ELP5: variants seen among roughly 807,000 people sequenced by gnomAD.
ELP5 encodes elongator acetyltransferase complex subunit 5.
In ELP5, 34 loss-of-function variants were observed where a neutral mutation model predicts 33.4. The observed-to-expected ratio is 1.02, with a 90% CI of 0.78 to 1.36. ELP5 has a LOEUF of 1.36. ELP5 is among the 40% of genes most tolerant of loss of function. ELP5 has a pLI of 0.00. For synonymous variants in ELP5, 161 were observed against 146.4 expected (o/e 1.10, Z -0.72); for missense variants, 373 against 371.7 (o/e 1.00, Z -0.03).
rs2072034293 is a variant in ELP5 at position 7,254,708 on chromosome 17, T to C, written c.314T>C (p.Ile105Thr). The C allele has an allele frequency of 1.2e-6, 2 of 1,614,072 alleles. No homozygotes were observed. Among genetic ancestry groups the C allele is most frequent in the African/African-American group, 1.3e-5 (1 of 74,918 alleles). Residue 105 changes from isoleucine to threonine, a missense_variant, in exon 4 of 8, where the codon ATT becomes ACT. By Grantham distance (89) the Ile-to-Thr change is moderately conservative. Coordinates refer to ENST00000396628, the MANE Select transcript of ELP5 (RefSeq NM_203414.3). The stretch of plus-strand genomic sequence containing the variant: ...AGGACAGATCCTGTTCCTGTCACCA[T>C]TGCTCTCGATTCACTCAGCTGGCTG... Reference protein sequence around the residue: ...CKRTDPVPVTIALDSLSWLLL... With the variant: ...CKRTDPVPVTTALDSLSWLLL...
Position 7,259,062 on chromosome 17 carries a change from C to G in ELP5, c.788+136C>G. On this transcript the variant is annotated intron_variant, in intron 7 of 7. Coordinates refer to ENST00000396628, the MANE Select transcript of ELP5 (RefSeq NM_203414.3). ...CCACCTCCAGAGACAAGTCCAAGTT[C>G]TTGATCCACCCATTCCCCCTATAAT... 6 of 1,483,760 alleles carry G rather than the reference C, an allele frequency of 4.0e-6. No homozygotes were observed. In the South Asian group the frequency reaches 4.1e-5, roughly 10 times the overall value. 91.9% of individuals were successfully genotyped at this position (1,483,760 alleles called of 1,614,324 possible). A position where few individuals can be genotyped will look rare whatever the true frequency, so the allele number is the denominator to read the frequency against.
At position 7,252,495 on chromosome 17, in the gene ELP5, A is replaced by G. The variant is rs1333179302; in HGVS notation, c.-56A>G. On this transcript the variant is annotated 5_prime_UTR_variant, in exon 1 of 8. Coordinates refer to ENST00000396628, the MANE Select transcript of ELP5 (RefSeq NM_203414.3). ...CCGTTTCACCCCGAGGAGGAAGGACACTGGGTCATGACGCCATCAGAGGGC... is the reference window on the plus strand; with the variant it reads ...CCGTTTCACCCCGAGGAGGAAGGACGCTGGGTCATGACGCCATCAGAGGGC... The G allele has an allele frequency of 1.2e-6, 2 of 1,613,272 alleles. No homozygotes were observed. Among genetic ancestry groups the G allele is most frequent in the African/African-American group, 2.7e-5 (2 of 74,930 alleles).
In ELP5 at chr17:7,252,754, G is replaced by A. The variant is rs745891392; in HGVS notation, c.47-16G>A. The A allele has an allele frequency of 2.3e-5, 37 of 1,614,008 alleles. 1 individual carries two copies. In the South Asian group the frequency reaches 3.6e-4, roughly 16 times the overall value. On this transcript the variant is annotated splice_polypyrimidine_tract_variant and intron_variant, in intron 1 of 7. Transcript: ENST00000396628. ...CCCAGCGCTCTCATACCCTTTATCC[G>A]TCCCTCGCTCTGCAGATTCCGTGGA...
chr17:7,253,218 G>A (rs372093687), intron 3 of ELP5, among the ~76,000 whole-genome samples: 5 of 152,172 alleles, frequency 3.3e-5, no homozygotes, highest in African/African-American at 9.7e-5. Flanking sequence ...GAAATAGCCT[G>A]GAAATAGGGA....
chr17:7,251,967 T>G (rs577960437), upstream of ELP5: 15 of 171,750 alleles, frequency 8.7e-5, no homozygotes, highest in South Asian at 2.0e-4. Context: ...CATTTTACCG[T>G]CCAAAGGACT....
intron 7 of ELP5, 181 bp from the exon 8 acceptor site, chr17:7,259,390 T>C: frequency 7.0e-7 from 1 of 1,430,878 alleles, no homozygotes; most frequent in Non-Finnish European, 9.1e-7. Context: ...TACAAGGGTA[T>C]CTATCCCAGT....
chr17:7,252,676 CA>C, intron 1 of ELP5, 80 bp downstream of exon 1: 4 of 1,604,988 alleles, frequency 2.5e-6, no homozygotes, highest in Non-Finnish European at 3.4e-6. Flanking sequence ...CAGGAAGGGC[CA>C]GGGGTCACAG....
At position 7,252,936 on chromosome 17, in the gene ELP5, C is replaced by T. The variant is rs2071982051; in HGVS notation, c.126C>T (p.Ile42=). ...GCCTTAGTGGGGAGCAAGTGCATAT[C>T]CTGGGCTGTGAAGTGAGCGAGGAAG... The part of the protein sequence containing the change: ...KSALCGEQVH[I]LGCEVSEEEF... Residue 42 remains isoleucine (I), a synonymous_variant, in exon 3 of 8, where the codon ATC becomes ATT. Transcript: ENST00000396628. 2.5e-6 allele frequency: 4 copies of T among 1,614,046 alleles called. No individual in the cohort carries two copies. The highest frequency in any genetic ancestry group is 2.2e-5 in the South Asian group (2 of 91,086).
intron 4 of ELP5, among the ~76,000 whole-genome samples, chr17:7,256,458 G>C (rs1406389913): frequency 2.0e-5 from 3 of 152,234 alleles, no homozygotes; most frequent in Admixed American, 6.5e-5. Flanking sequence ...CATAGTACCT[G>C]ACACTCTCTA....
chr17:7,259,815 CCCG>C lies in ELP5; in HGVS notation c.*133_*135del, dbSNP rs2072172507. 2.0e-6 allele frequency: 3 copies of C among 1,464,328 alleles called. No individual in the cohort carries two copies. The Admixed American group carries it at 6.7e-5, about 33-fold the overall frequency. The allele number at this position is 1,464,328 out of a possible 1,614,324, so 90.7% of individuals were successfully genotyped here. On this transcript the variant is annotated 3_prime_UTR_variant, in exon 8 of 8. Coordinates refer to ENST00000396628, the MANE Select transcript of ELP5 (RefSeq NM_203414.3). ...CCTTGGTTCCCCTTGTCTATGGAGC[CCCG>C]CCTTGTGAGCCAGGAAGCAGCGTCT...
rs368495697 is a variant in ELP5 at position 7,257,820 on chromosome 17, A to G, written c.592-768A>G. Among the ~76,000 whole-genome samples, 830 of 152,274 alleles carry G rather than the reference A, an allele frequency of 5.5e-3. 6 individuals carry two copies. The highest frequency in any genetic ancestry group is 0.019 in the African/African-American group (798 of 41,548). ...CGAGGTGGCTCAGGCCCATAATCCC[A>G]GCACTTTGGGGGGCCGAGGTGGGCA... On this transcript the variant is annotated intron_variant, in intron 5 of 7. Transcript: ENST00000396628.
chr17:7,259,262 T>C, intron 7 of ELP5: 4 of 1,371,052 alleles, frequency 2.9e-6, no homozygotes, highest in Non-Finnish European at 2.8e-6. Context: ...CAGAGGCTGG[T>C]TAACAAGGGC....
chr17:7,257,375 T>C (rs1347312619), intron 5 of ELP5, among the ~76,000 whole-genome samples: 2 of 152,144 alleles, frequency 1.3e-5, no homozygotes, highest in Non-Finnish European at 2.9e-5. Context: ...GATTGTTTTA[T>C]TATCACCATT....
intron 5 of ELP5, among the ~76,000 whole-genome samples, chr17:7,258,128 C>T (rs1386718446): frequency 6.6e-6 from 1 of 151,838 alleles, no homozygotes; most frequent in Non-Finnish European, 1.5e-5. Flanking sequence ...TCCTTTACTT[C>T]CTTAATCAAC....
At chr17:7,255,415 C>G (rs1244305266) in intron 4 of ELP5, among the ~76,000 whole-genome samples, 5 of 151,912 alleles carry the variant, frequency 3.3e-5, no homozygotes, top group African/African-American at 4.8e-5. Flanking sequence ...CTAGTCCCAG[C>G]TACCCGGGAG....
chr17:7,256,586 C>T (rs1003609684), intron 4 of ELP5, among the ~76,000 whole-genome samples: 1 of 152,206 alleles, frequency 6.6e-6, no homozygotes, highest in African/African-American at 2.4e-5. Context: ...GTGGACACCA[C>T]CTGCTGGAAG....
chr17:7,255,695 C>A (rs925362190), intron 4 of ELP5, among the ~76,000 whole-genome samples: 1 of 152,178 alleles, frequency 6.6e-6, no homozygotes, highest in Non-Finnish European at 1.5e-5. Flanking sequence ...GCTTCACTTT[C>A]CCCTGTATAT....
chr17:7,253,259 G>A (rs183865608), intron 3 of ELP5, among the ~76,000 whole-genome samples: 3 of 152,164 alleles, frequency 2.0e-5, no homozygotes, highest in Non-Finnish European at 2.9e-5. Flanking sequence ...GCAGTAATCC[G>A]TTAATCCGGC....
At position 7,259,752 on chromosome 17, in the gene ELP5, T is replaced by C. The variant is rs1219864872; in HGVS notation, c.*67T>C. 7.5e-6 allele frequency: 12 copies of C among 1,599,612 alleles called. No individual in the cohort carries two copies. The African/African-American group carries it at 1.6e-4, about 21-fold the overall frequency. ...AAGACTTTGGGCCCAGAACCATCTT[T>C]CTATTGTTTGTGTTAGCCTTACCCT... On this transcript the variant is annotated 3_prime_UTR_variant, in exon 8 of 8. Transcript: ENST00000396628.
Sources: gnomAD v4.1 joint callset for allele counts (sites outside exome capture counted in the v4.1 genomes callset) on GRCh38, gnomAD v4.1.1 for gene constraint, MANE v1.5 for transcripts, NCBI Gene and HGNC (gene_info 2026-07-23, HGNC 2026-07-21) for gene names.